Variants in ZDHHC14 observed in about 807,000 individuals in gnomAD.
ZDHHC14 encodes the protein zDHHC palmitoyltransferase 14, also known as palmitoyltransferase ZDHHC14.
In ZDHHC14, 16 loss-of-function variants were observed where a neutral mutation model predicts 47.7. The observed-to-expected ratio is 0.34, with a 90% CI of 0.23 to 0.51. The LOEUF is 0.51. Ranked by LOEUF, ZDHHC14 falls within the 20% of genes least tolerant of loss-of-function variation. The pLI is 0.97. For synonymous variants in ZDHHC14, 293 were observed against 278.9 expected, an observed-to-expected ratio of 1.05 and a Z score of -0.50; for missense variants, 515 against 662.5, an observed-to-expected ratio of 0.78 and a Z score of 2.44.
chr6:157,595,864 G>A (rs942040446), intron 3 of ZDHHC14, among the ~76,000 whole-genome samples: 3 of 152,150 alleles, frequency 2.0e-5, no homozygotes, highest in South Asian at 2.1e-4. Context: ...ATCCACAACC[G>A]AACATGGTGG....
In ZDHHC14 at chr6:157,523,499, C is replaced by T. The variant is rs112241242; in HGVS notation, c.246-19086C>T. ...TTGCAAACTCCACCACACAGACTTG[C>T]GGATTTCTTCTTTCTTTATGCCACT... On this transcript the variant is annotated intron_variant, in intron 1 of 8. Coordinates refer to ENST00000359775, the MANE Select transcript of ZDHHC14 (RefSeq NM_024630.3). Among the ~76,000 whole-genome samples, 385 of 152,236 alleles carry T rather than the reference C, an allele frequency of 2.5e-3. 3 individuals are homozygous for T. The highest frequency in any genetic ancestry group is 9.0e-3 in the African/African-American group (375 of 41,546).
chr6:157,554,893 C>T (rs541308739), intron 2 of ZDHHC14, among the ~76,000 whole-genome samples: 4 of 152,338 alleles, frequency 2.6e-5, no homozygotes, highest in African/African-American at 7.2e-5. Flanking sequence ...GGGTCAGTTA[C>T]AGGCTGAGTC....
intron 1 of ZDHHC14, among the ~76,000 whole-genome samples, chr6:157,383,719 A>C (rs974341181): frequency 1.3e-5 from 2 of 152,204 alleles, no homozygotes; most frequent in Admixed American, 6.5e-5. Context: ...TGGTATGTGC[A>C]GTTCCCGGGT....
chr6:157,522,550 A>T (rs540457763), intron 1 of ZDHHC14, among the ~76,000 whole-genome samples: 3 of 152,172 alleles, frequency 2.0e-5, no homozygotes, highest in African/African-American at 7.2e-5. Context: ...TAGGAAATAC[A>T]GGCTCAGGAA....
chr6:157,567,354 C>A (rs1297200864), intron 2 of ZDHHC14, among the ~76,000 whole-genome samples: 6 of 152,166 alleles, frequency 3.9e-5, no homozygotes, highest in Non-Finnish European at 8.8e-5. Flanking sequence ...TGATTGGATC[C>A]TGGATGCCAG....
chr6:157,397,920 G>C (rs1777554225), intron 1 of ZDHHC14, among the ~76,000 whole-genome samples: 1 of 152,170 alleles, frequency 6.6e-6, no homozygotes, highest in Admixed American at 6.5e-5. Flanking sequence ...CCAGCACAAA[G>C]ACAGAGGCTT....
intron 1 of ZDHHC14, among the ~76,000 whole-genome samples, chr6:157,439,002 T>C (rs1778504118): frequency 6.6e-6 from 1 of 152,230 alleles, no homozygotes; most frequent in Admixed American, 6.5e-5. Context: ...TAGAGAATCA[T>C]ATTGCCAACA....
intron 1 of ZDHHC14, among the ~76,000 whole-genome samples, chr6:157,426,859 G>T (rs1407609412): frequency 6.6e-6 from 1 of 152,222 alleles, no homozygotes; most frequent in African/African-American, 2.4e-5. Flanking sequence ...CTCCATAAGA[G>T]CGTTTTCCGT....
At chr6:157,643,546 G>A (rs2114977125) in intron 5 of ZDHHC14, among the ~76,000 whole-genome samples, 1 of 150,776 alleles carries the variant, frequency 6.6e-6, no homozygotes, top group South Asian at 2.1e-4. Flanking sequence ...TACTCGGGAG[G>A]CTGAGGCAGC....
intron 4 of ZDHHC14, chr6:157,628,690 C>T: frequency 1.6e-6 from 1 of 614,370 alleles, no homozygotes; most frequent in East Asian, 3.0e-5. Context: ...TCCCCCACTC[C>T]CCACCCCATC....
intron 1 of ZDHHC14, among the ~76,000 whole-genome samples, chr6:157,483,823 T>C (rs996712778): frequency 7.9e-5 from 12 of 152,180 alleles, no homozygotes; most frequent in Non-Finnish European, 7.3e-5. Flanking sequence ...GATGCATGAC[T>C]TAGTGCTCTT....
At chr6:157,425,321 C>T (rs1017674430) in intron 1 of ZDHHC14, among the ~76,000 whole-genome samples, 1 of 152,214 alleles carries the variant, frequency 6.6e-6, no homozygotes, top group African/African-American at 2.4e-5. Flanking sequence ...GCTTCTACCA[C>T]CCTACTGAAT....
At chr6:157,650,451 T>A (rs1031116758) in intron 7 of ZDHHC14, among the ~76,000 whole-genome samples, 1 of 152,026 alleles carries the variant, frequency 6.6e-6, no homozygotes. Context: ...CAGAGCCTCA[T>A]TGGGCCGTGT....
intron 3 of ZDHHC14, among the ~76,000 whole-genome samples, chr6:157,599,608 A>G (rs1784267231): frequency 6.6e-6 from 1 of 152,270 alleles, no homozygotes; most frequent in African/African-American, 2.4e-5. Context: ...GGCCAATGAA[A>G]TAAAATACTT....
chr6:157,605,536 A>T (rs1784504907), intron 3 of ZDHHC14, among the ~76,000 whole-genome samples: 1 of 152,206 alleles, frequency 6.6e-6, no homozygotes, highest in Non-Finnish European at 1.5e-5. Context: ...TGTGGAACTC[A>T]GGTTCAGAGA....
At chr6:157,458,871 T>TTTTTTTTTTTTA (rs1491563247) in intron 1 of ZDHHC14, among the ~76,000 whole-genome samples, 1 of 115,226 alleles carries the variant, frequency 8.7e-6, no homozygotes. Context: ...TTTTTTTTTT[T>TTTTTTTTTTTTA]GAGACGGAGT....
At chr6:157,484,415 C>CATATATACGTAT (rs1562444014) in intron 1 of ZDHHC14, among the ~76,000 whole-genome samples, 1 of 142,286 alleles carries the variant, frequency 7.0e-6, no homozygotes, top group African/African-American at 2.7e-5. Context: ...TATGTATACA[C>CATATATACGTAT]ATATACATAT....
At chr6:157,515,796 C>T (rs572693190) in intron 1 of ZDHHC14, among the ~76,000 whole-genome samples, 1 of 152,210 alleles carries the variant, frequency 6.6e-6, no homozygotes, top group South Asian at 2.1e-4. Context: ...CAGATTCTCA[C>T]ACCATCTCTT....
intron 4 of ZDHHC14, chr6:157,629,823 A>C (rs1785597218): frequency 6.6e-6 from 1 of 152,160 alleles, no homozygotes; most frequent in South Asian, 2.1e-4. Context: ...AAAATGGCAA[A>C]AATGTGGCTA....
Sources: gnomAD v4.1 joint callset for allele counts (sites outside exome capture counted in the v4.1 genomes callset) on GRCh38, gnomAD v4.1.1 for gene constraint, MANE v1.5 for transcripts, NCBI Gene and HGNC (gene_info 2026-07-23, HGNC 2026-07-21) for gene names.